Variants in CABLES1 observed in about 807,000 individuals in gnomAD.
CABLES1 encodes the protein Cdk5 and Abl enzyme substrate 1.
CABLES1 carries 36 observed loss-of-function variants against 57.8 expected under a neutral mutation model. That is an observed-to-expected ratio of 0.62 (90% CI 0.48 to 0.82). The LOEUF (loss-of-function observed/expected upper bound fraction) is 0.82. CABLES1 is among the 40% of genes least tolerant of loss of function. CABLES1 has a pLI of 0.00. For missense variants in CABLES1, 767 were observed against 836.6 expected (o/e 0.92, Z 1.03); for synonymous variants, 374 against 363.0 (o/e 1.03, Z -0.35).
At chr18:23,255,947 A>G (rs995762224) in intron 9 of CABLES1, among the ~76,000 whole-genome samples, 1 of 152,168 alleles carries the variant, frequency 6.6e-6, no homozygotes. Context: ...AATATACCAC[A>G]CAGCAAAAGC....
At chr18:23,157,301 T>C (rs1442781877) in intron 1 of CABLES1, among the ~76,000 whole-genome samples, 2 of 152,106 alleles carry the variant, frequency 1.3e-5, no homozygotes, top group Non-Finnish European at 2.9e-5. Context: ...AACCTGGGGA[T>C]AATGAGGATC....
At chr18:23,246,461 G>A (rs1013100590) in intron 7 of CABLES1, among the ~76,000 whole-genome samples, 1 of 151,896 alleles carries the variant, frequency 6.6e-6, no homozygotes, top group East Asian at 1.9e-4. Flanking sequence ...GCAAGATCTT[G>A]GCTCACTGCA....
At chr18:23,225,219 C>T (rs892650145) in intron 4 of CABLES1, among the ~76,000 whole-genome samples, 1 of 152,160 alleles carries the variant, frequency 6.6e-6, no homozygotes, top group African/African-American at 2.4e-5. Context: ...TTAGCAGTTC[C>T]CAGTCAGGTT....
At chr18:23,219,981 G>A (rs981285030) in intron 4 of CABLES1, among the ~76,000 whole-genome samples, 1 of 152,084 alleles carries the variant, frequency 6.6e-6, no homozygotes, top group Non-Finnish European at 1.5e-5. Flanking sequence ...TCTTGGTGTG[G>A]GCCGCGAGGC....
At chr18:23,238,788 G>A (rs1294494649) in intron 7 of CABLES1, among the ~76,000 whole-genome samples, 1 of 152,192 alleles carries the variant, frequency 6.6e-6, no homozygotes, top group Non-Finnish European at 1.5e-5. Flanking sequence ...ACAGGAAATG[G>A]GGGATCCAGG....
intron 1 of CABLES1, among the ~76,000 whole-genome samples, chr18:23,137,162 A>C (rs1376334700): frequency 6.6e-6 from 1 of 152,076 alleles, no homozygotes; most frequent in Non-Finnish European, 1.5e-5. Context: ...TCCTTCTTAC[A>C]TTGCCTCCAA....
chr18:23,159,616 C>T (rs942913617), intron 1 of CABLES1, among the ~76,000 whole-genome samples: 4 of 152,112 alleles, frequency 2.6e-5, no homozygotes, highest in East Asian at 1.9e-4. Context: ...CTGCCCGAGG[C>T]GACGGGACGA....
At chr18:23,159,667 G>A (rs1284976719) in intron 1 of CABLES1, among the ~76,000 whole-genome samples, 4 of 152,156 alleles carry the variant, frequency 2.6e-5, no homozygotes, top group Admixed American at 2.6e-4. Context: ...GATCCCAACC[G>A]TGTGAGCTTA....
At chr18:23,205,879 G>A (rs1485126205) in intron 3 of CABLES1, among the ~76,000 whole-genome samples, 1 of 152,080 alleles carries the variant, frequency 6.6e-6, no homozygotes, top group Non-Finnish European at 1.5e-5. Context: ...AGGGAAAACT[G>A]GGGCTCAGAG....
rs374005605 is a variant in CABLES1 at position 23,145,668 on chromosome 18, C to T, written c.845+9061C>T. ...CATACGGGAATCATGAAATCATTAGCTATTACCCTGTTTTACCAACTGTGT... is the reference window on the plus strand; with the variant it reads ...CATACGGGAATCATGAAATCATTAGTTATTACCCTGTTTTACCAACTGTGT... On this transcript the variant is annotated intron_variant, in intron 1 of 9. Transcript: ENST00000256925. Among the ~76,000 whole-genome samples, 15 of 152,332 alleles carry T rather than the reference C, an allele frequency of 9.8e-5. No homozygotes were observed. In the South Asian group the frequency reaches 2.9e-3, roughly 29 times the overall value.
intron 1 of CABLES1, among the ~76,000 whole-genome samples, chr18:23,145,544 C>A (rs1301463686): frequency 1.3e-5 from 2 of 152,118 alleles, no homozygotes; most frequent in Admixed American, 1.3e-4. Context: ...TCCATTTTTT[C>A]CACTTTAGAA....
At chr18:23,138,594 C>G (rs2046837858) in intron 1 of CABLES1, among the ~76,000 whole-genome samples, 1 of 152,196 alleles carries the variant, frequency 6.6e-6, no homozygotes, top group Non-Finnish European at 1.5e-5. Flanking sequence ...TGAAATATCC[C>G]AGGATGCTTT....
intron 7 of CABLES1, among the ~76,000 whole-genome samples, chr18:23,247,739 G>A (rs1218867935): frequency 6.6e-6 from 1 of 152,258 alleles, no homozygotes; most frequent in Non-Finnish European, 1.5e-5. Context: ...GCAGCTCAGA[G>A]AAGCAGGGAC....
At chr18:23,205,862 T>C (rs2047359350) in intron 3 of CABLES1, among the ~76,000 whole-genome samples, 1 of 151,990 alleles carries the variant, frequency 6.6e-6, no homozygotes. Context: ...CCCAGTCTCT[T>C]GAAGTAAGGG....
chr18:23,148,644 C>T (rs559021149), intron 1 of CABLES1, among the ~76,000 whole-genome samples: 2 of 152,250 alleles, frequency 1.3e-5, no homozygotes, highest in African/African-American at 4.8e-5. Flanking sequence ...CTGGGGCAGC[C>T]GGACAGGTTA....
At position 23,136,151 on chromosome 18, in the gene CABLES1, C is replaced by A; in HGVS notation, c.389C>A (p.Ala130Glu). The change falls in exon 1 of 10, where the codon GCG becomes GAG. Residue 130 changes from alanine to glutamate, a missense_variant. Transcript: ENST00000256925. The stretch of plus-strand genomic sequence containing the variant: ...CTCGCCGCGCCGGGCACGCCGGCTG[C>A]GGGGTTAGCCGCTGGGTCCGGCCCC... ...IALAAPGTPA[A>E]GLAAGSGPCL... The A allele has an allele frequency of 1.7e-6, 2 of 1,208,616 alleles. No individual in the cohort carries two copies. The highest frequency in any genetic ancestry group is 2.1e-6 in the Non-Finnish European group (2 of 973,434). 74.9% of individuals were successfully genotyped at this position (1,208,616 alleles called of 1,614,324 possible).
At chr18:23,139,682 T>G (rs1426372899) in intron 1 of CABLES1, among the ~76,000 whole-genome samples, 1 of 152,140 alleles carries the variant, frequency 6.6e-6, no homozygotes, top group Non-Finnish European at 1.5e-5. Flanking sequence ...TGAGTATAGA[T>G]TCTTTCACAG....
chr18:23,201,686 C>T (rs1361435749), intron 3 of CABLES1, among the ~76,000 whole-genome samples: 1 of 152,156 alleles, frequency 6.6e-6, no homozygotes, highest in Non-Finnish European at 1.5e-5. Context: ...GTCCTCGGTC[C>T]ACCCCACACA....
At chr18:23,224,253 C>T (rs1157198583) in intron 4 of CABLES1, among the ~76,000 whole-genome samples, 2 of 151,956 alleles carry the variant, frequency 1.3e-5, no homozygotes, top group African/African-American at 2.4e-5. Flanking sequence ...CATCCCCACT[C>T]CTGCCATCCA....
Sources: allele counts gnomAD v4.1 joint callset (sites outside exome capture counted in the v4.1 genomes callset), GRCh38; gene constraint gnomAD v4.1.1; transcripts MANE v1.5; gene names NCBI Gene and HGNC (gene_info 2026-07-23, HGNC 2026-07-21).